ANAPC1: variants seen among roughly 807,000 people sequenced by gnomAD.
The protein encoded by ANAPC1 is anaphase-promoting complex subunit 1.
Under a neutral mutation model 208.0 loss-of-function variants are expected in ANAPC1, and 36 were observed. The observed-to-expected ratio is 0.17, with a 90% CI of 0.13 to 0.23. The LOEUF is 0.23. ANAPC1 is among the 10% of genes least tolerant of loss of function. The pLI, the probability that ANAPC1 is intolerant of heterozygous loss-of-function variation, is 1.00. For synonymous variants in ANAPC1, 378 were observed against 695.2 expected, an observed-to-expected ratio of 0.54 and a Z score of 7.18; for missense variants, 942 against 2,011.6, an observed-to-expected ratio of 0.47 and a Z score of 10.17.
chr2:111,875,793 C>T (rs1443257020), intron 3 of ANAPC1, among the ~76,000 whole-genome samples: 1 of 152,200 alleles, frequency 6.6e-6, no homozygotes, highest in African/African-American at 2.4e-5. Context: ...CGTGTACAGC[C>T]ATTCTGAAGT....
At chr2:111,832,912 T>C (rs1316408320) in intron 20 of ANAPC1, among the ~76,000 whole-genome samples, 1 of 107,844 alleles carries the variant, frequency 9.3e-6, no homozygotes, top group Non-Finnish European at 1.8e-5. Context: ...CACCCCAGCC[T>C]GGGTGACAGA....
chr2:111,775,161 G>A (rs1284626769), intron 46 of ANAPC1, among the ~76,000 whole-genome samples: 2 of 152,202 alleles, frequency 1.3e-5, no homozygotes, highest in Admixed American at 1.3e-4. Context: ...AGCTACTCAG[G>A]AGGCTGAGGC....
intron 2 of ANAPC1, 45 bp downstream of exon 2, chr2:111,880,568 A>C (rs565323362): frequency 6.5e-7 from 1 of 1,545,580 alleles, no homozygotes; most frequent in African/African-American, 1.4e-5. Context: ...CAAGTAGATT[A>C]TATCACTCTA....
intron 1 of ANAPC1, among the ~76,000 whole-genome samples, chr2:111,881,835 T>C (rs1346988014): frequency 2.0e-5 from 3 of 152,214 alleles, no homozygotes; most frequent in Admixed American, 2.0e-4. Context: ...CTCTCTGTCC[T>C]ATGACTTCAT....
chr2:111,875,019 C>T (rs1179721241), intron 3 of ANAPC1, among the ~76,000 whole-genome samples: 1 of 152,190 alleles, frequency 6.6e-6, no homozygotes, highest in Non-Finnish European at 1.5e-5. Context: ...CCAAACTTTT[C>T]CACAGCAGCT....
chr2:111,797,916 G>C (rs1352523970), intron 34 of ANAPC1, among the ~76,000 whole-genome samples: 1 of 118,780 alleles, frequency 8.4e-6, no homozygotes, highest in Non-Finnish European at 1.8e-5. Context: ...CCATGGAAGA[G>C]AGGAACACCA....
chr2:111,770,030 T>G (rs1193081747), intron 47 of ANAPC1, among the ~76,000 whole-genome samples: 1 of 149,598 alleles, frequency 6.7e-6, no homozygotes, highest in Non-Finnish European at 1.5e-5. Context: ...AATGCTGTAA[T>G]GAACATTTCC....
intron 18 of ANAPC1, among the ~76,000 whole-genome samples, chr2:111,837,543 C>A (rs1171523726): frequency 6.6e-6 from 1 of 152,078 alleles, no homozygotes; most frequent in South Asian, 2.1e-4. Flanking sequence ...TAGCTTCAAC[C>A]CAGGAGGTGG....
chr2:111,828,901 G>A (rs774289713), intron 21 of ANAPC1, among the ~76,000 whole-genome samples: 14 of 152,126 alleles, frequency 9.2e-5, no homozygotes, highest in Admixed American at 2.6e-4. Flanking sequence ...CGTATTCAAC[G>A]CCACTGGATT....
intron 13 of ANAPC1, among the ~76,000 whole-genome samples, chr2:111,856,058 A>AC (rs1162027752): frequency 6.6e-6 from 1 of 152,142 alleles, no homozygotes; most frequent in East Asian, 1.9e-4. Context: ...ACACGGTGAA[A>AC]CCCCGTCTCT....
At chr2:111,857,290 T>C (rs995068049) in intron 11 of ANAPC1, among the ~76,000 whole-genome samples, 4 of 120,716 alleles carry the variant, frequency 3.3e-5, no homozygotes, top group African/African-American at 1.1e-4. Context: ...AGAGGTTACC[T>C]GTGAGGGAAA....
At chr2:111,771,783 AT>A (rs1051890350) in intron 47 of ANAPC1, among the ~76,000 whole-genome samples, 1 of 151,786 alleles carries the variant, frequency 6.6e-6, no homozygotes, top group African/African-American at 2.4e-5. Flanking sequence ...ATCAAAAAAT[AT>A]TTTTTTTGAG....
intron 13 of ANAPC1, among the ~76,000 whole-genome samples, chr2:111,852,787 T>C (rs976473472): frequency 2.6e-5 from 4 of 151,956 alleles, no homozygotes; most frequent in African/African-American, 9.7e-5. Context: ...AGACTGCATG[T>C]GGCCCATAGA....
chr2:111,826,841 A>C (rs1391656090), intron 21 of ANAPC1, among the ~76,000 whole-genome samples: 1 of 151,920 alleles, frequency 6.6e-6, no homozygotes, highest in Non-Finnish European at 1.5e-5. Context: ...TTGTATTTTT[A>C]GTAGAGACAG....
At chr2:111,842,637 T>A (rs1680828380) in intron 17 of ANAPC1, among the ~76,000 whole-genome samples, 3 of 138,868 alleles carry the variant, frequency 2.2e-5, no homozygotes, top group South Asian at 4.5e-4. Flanking sequence ...AGCGACATTC[T>A]GTCTCAAAAA....
intron 18 of ANAPC1, among the ~76,000 whole-genome samples, chr2:111,837,673 G>A (rs996245869): frequency 2.0e-5 from 3 of 151,518 alleles, no homozygotes; most frequent in Admixed American, 1.3e-4. Flanking sequence ...TGTCTTTATA[G>A]GAGTGTAGGT....
chr2:111,837,563 A>G (rs1432942470), intron 18 of ANAPC1, among the ~76,000 whole-genome samples: 1 of 152,174 alleles, frequency 6.6e-6, no homozygotes, highest in Non-Finnish European at 1.5e-5. Context: ...GAGAGCCGAC[A>G]TCGTGCCACT....
intron 26 of ANAPC1, among the ~76,000 whole-genome samples, chr2:111,820,139 C>T (rs1343745452): frequency 2.0e-5 from 3 of 152,186 alleles, no homozygotes; most frequent in Non-Finnish European, 2.9e-5. Context: ...CACTGAAATA[C>T]ACAACTGATT....
chr2:111,792,351 T>C lies in ANAPC1; in HGVS notation c.4712+11A>G. 6.6e-7 allele frequency: 1 copy of C among 1,507,342 alleles called. No homozygotes were observed. The highest frequency in any genetic ancestry group is 9.2e-7 in the Non-Finnish European group (1 of 1,088,476). The allele number at this position is 1,507,342 out of a possible 1,614,324, so 93.4% of individuals were successfully genotyped here. On this transcript the variant is annotated intron_variant, in intron 38 of 47. Transcript: ENST00000341068. ...GAGATCTTTTCATTGGAAAAATACA[T>C]ATTCACTTACCTTCCTCCTCCCAAA...
Sources: gnomAD v4.1 joint callset for allele counts (sites outside exome capture counted in the v4.1 genomes callset) on GRCh38, gnomAD v4.1.1 for gene constraint, MANE v1.5 for transcripts, NCBI Gene and HGNC (gene_info 2026-07-23, HGNC 2026-07-21) for gene names.